Variants in ATP9A observed in about 807,000 individuals in gnomAD.
The protein encoded by ATP9A is ATPase phospholipid transporting 9A, also known as probable phospholipid-transporting ATPase IIA.
A neutral mutation model predicts 144.1 loss-of-function variants in ATP9A; 52 were observed. The ratio of observed to expected loss-of-function variants is 0.36; its 90% CI spans 0.29 to 0.45. The LOEUF is 0.45. Among genes scored for constraint, ATP9A ranks in the 20% least tolerant of loss-of-function variants. The pLI, the probability that ATP9A is intolerant of heterozygous loss-of-function variation, is 1.00. For synonymous variants in ATP9A, 582 were observed against 557.4 expected (o/e 1.04, Z -0.62); for missense variants, 947 against 1,392.7 (o/e 0.68, Z 5.09).
At chr20:51,637,481 C>T (rs1217240929) in intron 15 of ATP9A, among the ~76,000 whole-genome samples, 1 of 151,972 alleles carries the variant, frequency 6.6e-6, no homozygotes, top group African/African-American at 2.4e-5. Flanking sequence ...CAGGTGGTGA[C>T]AAGCAAACCC....
intron 15 of ATP9A, among the ~76,000 whole-genome samples, chr20:51,636,762 T>A (rs567553723): frequency 2.3e-4 from 35 of 151,704 alleles, no homozygotes; most frequent in Admixed American, 5.2e-4. Context: ...CACATGGTTA[T>A]GTATTAAATG....
chr20:51,602,167 TG>T (rs111985481), intron 27 of ATP9A, among the ~76,000 whole-genome samples: 26 of 150,756 alleles, frequency 1.7e-4, no homozygotes, highest in African/African-American at 5.6e-4. Context: ...TGATGGAAGG[TG>T]GGGGGGGCGG....
intron 13 of ATP9A, among the ~76,000 whole-genome samples, chr20:51,667,645 G>A (rs564901705): frequency 3.9e-5 from 6 of 152,282 alleles, no homozygotes; most frequent in African/African-American, 1.4e-4. Flanking sequence ...GTACCGAGAG[G>A]CTCCTGAGAG....
intron 1 of ATP9A, among the ~76,000 whole-genome samples, chr20:51,763,515 G>GCA (rs1229163943): frequency 1.3e-5 from 2 of 151,856 alleles, no homozygotes; most frequent in Non-Finnish European, 2.9e-5. Context: ...GGTTTCACTT[G>GCA]TGTTAGCCAG....
chr20:51,683,657 C>A (rs1230218669), intron 9 of ATP9A, among the ~76,000 whole-genome samples: 1 of 152,100 alleles, frequency 6.6e-6, no homozygotes, highest in Non-Finnish European at 1.5e-5. Flanking sequence ...CTCAAGCAAT[C>A]CTCCTGCCTT....
intron 4 of ATP9A, among the ~76,000 whole-genome samples, chr20:51,712,479 AG>A (rs2077643904): frequency 6.6e-6 from 1 of 152,198 alleles, no homozygotes; most frequent in Non-Finnish European, 1.5e-5. Context: ...CTCAATTTCC[AG>A]GATTTATAAA....
intron 3 of ATP9A, among the ~76,000 whole-genome samples, chr20:51,716,803 C>T (rs62226691): frequency 6.6e-6 from 1 of 152,118 alleles, no homozygotes; most frequent in Admixed American, 6.5e-5. Context: ...CCCAACAAAC[C>T]AAGGCAGTAG....
chr20:51,768,364 C>G lies in ATP9A; in HGVS notation c.6G>C (p.Thr2=). 7.9e-7 allele frequency: 1 copy of G among 1,262,154 alleles called. No homozygotes were observed. The highest frequency in any genetic ancestry group is 3.4e-5 in the East Asian group (1 of 29,350). 78.2% of individuals were successfully genotyped at this position (1,262,154 alleles called of 1,614,324 possible). A position where few individuals can be genotyped will look rare whatever the true frequency, so the allele number is the denominator to read the frequency against. The change falls in exon 1 of 28, where the codon ACG becomes ACC. Residue 2 remains threonine, a synonymous_variant. Coordinates refer to ENST00000338821, the MANE Select transcript of ATP9A (RefSeq NM_006045.3). ...GCACCGGCTGCAGCGGGATGTTGTCCGTCATGTCGGCGGCGCCGCCCGCCT... is the reference window on the plus strand; with the variant it reads ...GCACCGGCTGCAGCGGGATGTTGTCGGTCATGTCGGCGGCGCCGCCCGCCT... The part of the protein sequence containing the change: M[T]DNIPLQPVRQ...
chr20:51,632,438 A>G (rs1208470484), intron 15 of ATP9A, among the ~76,000 whole-genome samples: 1 of 152,228 alleles, frequency 6.6e-6, no homozygotes, highest in East Asian at 1.9e-4. Flanking sequence ...AGTCATTTGC[A>G]TAGAGCATTT....
chr20:51,761,915 C>T (rs1354150863), intron 1 of ATP9A, among the ~76,000 whole-genome samples: 2 of 152,054 alleles, frequency 1.3e-5, no homozygotes, highest in African/African-American at 2.4e-5. Context: ...CAACCGAGTC[C>T]GTTTCCTTAA....
chr20:51,671,662 C>T (rs766205898), intron 11 of ATP9A, among the ~76,000 whole-genome samples: 25 of 152,110 alleles, frequency 1.6e-4, no homozygotes, highest in Non-Finnish European at 3.2e-4. Context: ...CAGCCATCAG[C>T]ATCATCCACC....
At chr20:51,605,264 G>T (rs2077158770) in intron 26 of ATP9A, among the ~76,000 whole-genome samples, 1 of 152,228 alleles carries the variant, frequency 6.6e-6, no homozygotes, top group African/African-American at 2.4e-5. Flanking sequence ...AGGAAGTAAG[G>T]CAGGGAGGGG....
intron 1 of ATP9A, among the ~76,000 whole-genome samples, chr20:51,766,179 C>A (rs2077902963): frequency 2.0e-5 from 3 of 152,170 alleles, no homozygotes; most frequent in Admixed American, 6.5e-5. Flanking sequence ...ACTCTGACTG[C>A]ATGTTAAAAT....
intron 9 of ATP9A, among the ~76,000 whole-genome samples, chr20:51,679,185 A>C (rs1235316924): frequency 3.9e-5 from 6 of 152,098 alleles, no homozygotes; most frequent in African/African-American, 1.4e-4. Flanking sequence ...TCAGCCGGGC[A>C]TGGTGGCTCA....
chr20:51,624,041 A>G (rs2077237713), intron 18 of ATP9A, among the ~76,000 whole-genome samples: 1 of 152,208 alleles, frequency 6.6e-6, no homozygotes. Context: ...AAACTCCAGA[A>G]GTCTTAGGAA....
chr20:51,744,838 A>T, intron 1 of ATP9A, among the ~76,000 whole-genome samples: 1 of 152,222 alleles, frequency 6.6e-6, no homozygotes, highest in South Asian at 2.1e-4. Context: ...CATGAAGAAA[A>T]ATTAAAAGTA....
chr20:51,768,190 T>G, intron 1 of ATP9A, 112 bp downstream of exon 1: 1 of 562,684 alleles, frequency 1.8e-6, no homozygotes, highest in Non-Finnish European at 2.4e-6. Context: ...TGCCCCAGGC[T>G]CATGGCGCCG....
At chr20:51,715,945 G>C (rs1427037064) in intron 3 of ATP9A, among the ~76,000 whole-genome samples, 1 of 148,400 alleles carries the variant, frequency 6.7e-6, no homozygotes, top group Non-Finnish European at 1.5e-5. Context: ...CTTTTGCCAA[G>C]TTGTACCTCA....
At chr20:51,613,404 C>A (rs1490272759) in intron 23 of ATP9A, among the ~76,000 whole-genome samples, 1 of 152,232 alleles carries the variant, frequency 6.6e-6, no homozygotes, top group Admixed American at 6.5e-5. Flanking sequence ...ATCCTCACCA[C>A]ATGGCAGGAA....
Sources: allele counts gnomAD v4.1 joint callset (sites outside exome capture counted in the v4.1 genomes callset), GRCh38; gene constraint gnomAD v4.1.1; transcripts MANE v1.5; gene names NCBI Gene and HGNC (gene_info 2026-07-23, HGNC 2026-07-21).